Variants in SLC24A2 observed in about 807,000 individuals in gnomAD.
SLC24A2 encodes solute carrier family 24 member 2, also known as sodium/potassium/calcium exchanger 2.
SLC24A2 carries 36 observed loss-of-function variants against 62.0 expected under a neutral mutation model. The ratio of observed to expected loss-of-function variants is 0.58; its 90% CI spans 0.44 to 0.77. The LOEUF is 0.77. Ranked by LOEUF, SLC24A2 falls within the 30% of genes least tolerant of loss-of-function variation. SLC24A2 has a pLI of 0.00. For synonymous variants in SLC24A2, 358 were observed against 294.0 expected (o/e 1.22, Z -2.23); for missense variants, 846 against 817.9 (o/e 1.03, Z -0.42).
At chr9:20,181,163 C>G in the SLC24A2 span, among the ~76,000 whole-genome samples, 3 of 151,612 alleles carry the variant, frequency 2.0e-5, no homozygotes, top group Admixed American at 2.0e-4. Context: ...TAACTAGTCT[C>G]AAGTTCAAAT....
the SLC24A2 span, among the ~76,000 whole-genome samples, chr9:19,999,677 C>CAA: frequency 1.3e-5 from 2 of 152,212 alleles, no homozygotes; most frequent in East Asian, 3.9e-4. Context: ...GAAAGGATCC[C>CAA]AGCTGTCATC....
the SLC24A2 span, among the ~76,000 whole-genome samples, chr9:20,304,830 G>T: frequency 2.0e-5 from 3 of 151,964 alleles, no homozygotes; most frequent in South Asian, 4.2e-4. Flanking sequence ...ATAATAAGCA[G>T]CAGAGCAAGG....
At chr9:20,270,922 A>C in the SLC24A2 span, among the ~76,000 whole-genome samples, 1 of 152,200 alleles carries the variant, frequency 6.6e-6, no homozygotes, top group Non-Finnish European at 1.5e-5. Context: ...AGAGGGAAGA[A>C]CTTGCCTTTG....
chr9:19,906,413 A>G, the SLC24A2 span, among the ~76,000 whole-genome samples: 2 of 151,578 alleles, frequency 1.3e-5, no homozygotes, highest in Non-Finnish European at 2.9e-5. Context: ...TCACAATTAA[A>G]AGAACTAGAG....
chr9:19,829,339 A>G, the SLC24A2 span, among the ~76,000 whole-genome samples: 1 of 152,292 alleles, frequency 6.6e-6, no homozygotes, highest in East Asian at 1.9e-4. Flanking sequence ...CTCAGAGGTG[A>G]TAAGACCTAA....
chr9:19,639,670 T>A (rs1346168303), intron 2 of SLC24A2, among the ~76,000 whole-genome samples: 3 of 152,224 alleles, frequency 2.0e-5, no homozygotes, highest in Non-Finnish European at 4.4e-5. Context: ...ATAACCTATT[T>A]CCATCTGTAA....
chr9:20,230,069 T>C, the SLC24A2 span, among the ~76,000 whole-genome samples: 1 of 152,194 alleles, frequency 6.6e-6, no homozygotes, highest in Non-Finnish European at 1.5e-5. Flanking sequence ...GAACTCATCA[T>C]TTTTTATGGC....
the SLC24A2 span, among the ~76,000 whole-genome samples, chr9:20,239,669 A>C: frequency 2.0e-5 from 3 of 152,256 alleles, no homozygotes; most frequent in Non-Finnish European, 4.4e-5. Flanking sequence ...AGGATCCATC[A>C]TAAGACTTGG....
At chr9:19,796,010 C>G in the SLC24A2 span, among the ~76,000 whole-genome samples, 8 of 150,832 alleles carry the variant, frequency 5.3e-5, no homozygotes, top group Admixed American at 4.6e-4. Context: ...TCTCAGCAAA[C>G]TATCGTAAGG....
chr9:19,527,334 C>T (rs1410836986), intron 9 of SLC24A2, among the ~76,000 whole-genome samples: 2 of 152,158 alleles, frequency 1.3e-5, no homozygotes, highest in Non-Finnish European at 2.9e-5. Context: ...TTAAGCTTAA[C>T]TTCTTTATCT....
chr9:19,604,304 T>C (rs189347518), intron 4 of SLC24A2, among the ~76,000 whole-genome samples: 6 of 152,238 alleles, frequency 3.9e-5, no homozygotes, highest in Admixed American at 3.9e-4. Context: ...TTCAGTGAAG[T>C]AGGAGGACTT....
the SLC24A2 span, among the ~76,000 whole-genome samples, chr9:19,905,865 G>T: frequency 6.6e-6 from 1 of 152,094 alleles, no homozygotes; most frequent in South Asian, 2.1e-4. Context: ...TCACAGAAAA[G>T]AAGTGAAACT....
intron 3 of SLC24A2, among the ~76,000 whole-genome samples, chr9:19,621,626 A>G (rs574474864): frequency 6.6e-6 from 1 of 152,268 alleles, no homozygotes; most frequent in Non-Finnish European, 1.5e-5. Flanking sequence ...TTTCTTTACG[A>G]TGGTGCAAAA....
chr9:19,712,975 T>A lies in SLC24A2; in HGVS notation c.930+72962A>T, dbSNP rs544590328. 1.4e-3 allele frequency among the ~76,000 whole-genome samples: 209 copies of A among 152,270 alleles called. 1 individual carries two copies. The highest frequency in any genetic ancestry group is 4.8e-3 in the African/African-American group (199 of 41,550). ...CCTGGTTGAGAATCACTGCCCTAGA[T>A]ATCTGCATGATTCACTTTCTCACTT... On this transcript the variant is annotated intron_variant, in intron 2 of 10. Coordinates refer to ENST00000341998, the MANE Select transcript of SLC24A2 (RefSeq NM_020344.4).
chr9:19,761,466 T>TA (rs200309440), intron 2 of SLC24A2, among the ~76,000 whole-genome samples: 4,808 of 146,942 alleles, frequency 0.033, 258 homozygotes, highest in African/African-American at 0.11. Context: ...ATTTTTTAAT[T>TA]TTTTTATTTT....
chr9:20,070,437 AG>A, the SLC24A2 span, among the ~76,000 whole-genome samples: 1 of 152,166 alleles, frequency 6.6e-6, no homozygotes. Context: ...TCTCATAAAC[AG>A]GTTGTTTTGA....
chr9:20,252,911 C>G, the SLC24A2 span, among the ~76,000 whole-genome samples: 1 of 152,194 alleles, frequency 6.6e-6, no homozygotes, highest in Non-Finnish European at 1.5e-5. Context: ...CTCCTGACAT[C>G]GCCCCTTTCA....
At chr9:20,144,378 G>T in the SLC24A2 span, among the ~76,000 whole-genome samples, 2 of 152,188 alleles carry the variant, frequency 1.3e-5, no homozygotes, top group Non-Finnish European at 2.9e-5. Flanking sequence ...AGCAGGGACA[G>T]GGAAAACAAA....
chr9:20,074,101 A>C, the SLC24A2 span, among the ~76,000 whole-genome samples: 2 of 152,038 alleles, frequency 1.3e-5, no homozygotes, highest in Non-Finnish European at 2.9e-5. Context: ...AAGAATTCTC[A>C]TTTGAAGCTC....
Sources: allele counts gnomAD v4.1 joint callset (sites outside exome capture counted in the v4.1 genomes callset), GRCh38; gene constraint gnomAD v4.1.1; transcripts MANE v1.5; gene names NCBI Gene and HGNC (gene_info 2026-07-23, HGNC 2026-07-21).